SLC22A14: variants seen among roughly 807,000 people sequenced by gnomAD.
The protein encoded by SLC22A14 is solute carrier family 22 member 14.
In SLC22A14, 50 loss-of-function variants were observed where a neutral mutation model predicts 53.9. The observed-to-expected ratio is 0.93, with a 90% CI of 0.74 to 1.17. SLC22A14 has a LOEUF of 1.17. Among genes scored for constraint, SLC22A14 ranks in the 50% most tolerant of loss-of-function variants. The probability of loss-of-function intolerance (pLI) is 0.00; values close to 1 mark genes in which losing one functional copy is unlikely to be tolerated. For missense variants in SLC22A14, 671 were observed against 734.7 expected (o/e 0.91, Z 1.00); for synonymous variants, 312 against 303.0 (o/e 1.03, Z -0.31).
chr3:38,279,524 G>A (rs948883434), upstream of SLC22A14, among the ~76,000 whole-genome samples: 4 of 152,104 alleles, frequency 2.6e-5, no homozygotes, highest in Admixed American at 1.3e-4. Context: ...CTCGTGATCC[G>A]CCCACCTCGG....
chr3:38,309,248 G>A, intron 5 of SLC22A14, 126 bp downstream of exon 5: 1 of 816,764 alleles, frequency 1.2e-6, no homozygotes. Flanking sequence ...CATGTGGATG[G>A]GATGAGATAG....
intron 1 of SLC22A14, among the ~76,000 whole-genome samples, chr3:38,298,466 C>CTATG: frequency 6.6e-6 from 1 of 151,814 alleles, no homozygotes; most frequent in Non-Finnish European, 1.5e-5. Context: ...ATCTATCTAT[C>CTATG]TATCTATCTA....
intron 1 of SLC22A14, among the ~76,000 whole-genome samples, chr3:38,302,301 C>CATATATATTTATATACATATATATTTAT (rs1704181674): frequency 7.7e-6 from 1 of 129,396 alleles, no homozygotes; most frequent in Non-Finnish European, 1.6e-5. Context: ...TATATATACA[C>CATATATATTTATATACATATATATTTAT]ATATATATTT....
At chr3:38,315,202 G>A (rs1452660794) in intron 8 of SLC22A14, among the ~76,000 whole-genome samples, 1 of 152,280 alleles carries the variant, frequency 6.6e-6, no homozygotes. Flanking sequence ...CCAACCCACA[G>A]GACACAGGCC....
chr3:38,311,020 C>A (rs1361708655), intron 5 of SLC22A14, among the ~76,000 whole-genome samples: 1 of 152,202 alleles, frequency 6.6e-6, no homozygotes, highest in East Asian at 1.9e-4. Context: ...TCTGAATTAG[C>A]AAGTTCCAGC....
chr3:38,318,305 C>A lies in SLC22A14; in HGVS notation c.*56C>A. On this transcript the variant is annotated 3_prime_UTR_variant, in exon 11 of 11. Coordinates refer to ENST00000448498, the MANE Select transcript of SLC22A14 (RefSeq NM_001320033.2). The stretch of plus-strand genomic sequence containing the variant: ...CCAGATCCTGAGATTGGACCCATAC[C>A]CTGTCTCCAACCCTGCCTTGAAGCA... The A allele has an allele frequency of 6.7e-7, 1 of 1,492,142 alleles. No homozygotes were observed. The highest frequency in any genetic ancestry group is 1.1e-5 in the South Asian group (1 of 88,668). 92.4% of individuals were successfully genotyped at this position (1,492,142 alleles called of 1,614,324 possible).
intron 1 of SLC22A14, among the ~76,000 whole-genome samples, chr3:38,289,843 C>T (rs1357672094): frequency 6.6e-6 from 1 of 152,130 alleles, no homozygotes; most frequent in Non-Finnish European, 1.5e-5. Flanking sequence ...AAATATGGAC[C>T]AGAAGAGTGT....
chr3:38,292,021 A>G (rs977633635), intron 1 of SLC22A14, among the ~76,000 whole-genome samples: 2 of 152,256 alleles, frequency 1.3e-5, no homozygotes, highest in African/African-American at 4.8e-5. Flanking sequence ...TTTAGCCTTA[A>G]GTATTTAACC....
chr3:38,308,699 C>T (rs1471228780), intron 4 of SLC22A14, among the ~76,000 whole-genome samples: 1 of 152,206 alleles, frequency 6.6e-6, no homozygotes. Context: ...AGGGGATGTG[C>T]AGAGGGAGCA....
rs759537780 is a variant in SLC22A14 at position 38,308,989 on chromosome 3, G to A, written c.811G>A (p.Ala271Thr). 3.5e-5 allele frequency: 57 copies of A among 1,614,044 alleles called. No individual in the cohort carries two copies. Among genetic ancestry groups the A allele is most frequent in the Non-Finnish European group, 4.4e-5 (52 of 1,179,970 alleles). The change falls in exon 5 of 11, where the codon GCC becomes ACC. Residue 271 changes from alanine (A) to threonine (T), a missense_variant. Ala to Thr is a moderately conservative substitution (Grantham distance 58, BLOSUM62 0). Transcript: ENST00000448498. ...EWLVGEHRAH[A>T]IILGHCFFAV... ...GTTAGTGGGTGAGCACCGGGCCCAT[G>A]CCATTATCCTGGGACACTGCTTTTT... is the stretch of plus-strand genomic sequence containing the variant.
intron 2 of SLC22A14, 31 bp downstream of exon 2, chr3:38,306,573 C>T (rs376396884): frequency 7.0e-6 from 11 of 1,577,820 alleles, no homozygotes; most frequent in Non-Finnish European, 9.5e-6. Context: ...TCTGTAACTA[C>T]CCTACAGGCT....
intron 9 of SLC22A14, among the ~76,000 whole-genome samples, chr3:38,316,094 C>T (rs1407368329): frequency 6.6e-6 from 1 of 152,228 alleles, no homozygotes; most frequent in East Asian, 1.9e-4. Flanking sequence ...GCTGGCATCA[C>T]TGCCTGTGTC....
intron 1 of SLC22A14, among the ~76,000 whole-genome samples, chr3:38,296,886 G>T (rs1390997685): frequency 6.6e-6 from 1 of 152,212 alleles, no homozygotes; most frequent in African/African-American, 2.4e-5. Context: ...GAGACACCCT[G>T]CCAGATTCGG....
At chr3:38,285,722 G>T (rs1703777093) in intron 1 of SLC22A14, among the ~76,000 whole-genome samples, 1 of 152,158 alleles carries the variant, frequency 6.6e-6, no homozygotes, top group African/African-American at 2.4e-5. Context: ...TTTTTTCACA[G>T]TTGAAAAGTG....
chr3:38,313,700 G>A (rs200161128), intron 7 of SLC22A14, 27 bp from the exon 8 acceptor site: 333 of 1,545,186 alleles, frequency 2.2e-4, no homozygotes, highest in Admixed American at 8.2e-4. Context: ...GCGTGTGCAC[G>A]CGCACTTGCC....
chr3:38,313,828 C>T lies in SLC22A14; in HGVS notation c.1265C>T (p.Pro422Leu). 6.2e-7 allele frequency: 1 copy of T among 1,614,132 alleles called. No homozygotes were observed. Among genetic ancestry groups the T allele is most frequent in the South Asian group, 1.1e-5 (1 of 91,084 alleles). ...RHVVPSIMEV[P>L]ARLCCIFLLQ... ...GTGGTCCCCAGCATCATGGAGGTGC[C>T]TGCCCGGCTGTGCTGCATCTTTCTC... The change falls in exon 8 of 11, where the codon CCT (proline) becomes CTT (leucine). Residue 422 changes from proline (P) to leucine (L), a missense_variant. Pro to Leu is a moderately conservative substitution (Grantham distance 98). Coordinates refer to ENST00000448498, the MANE Select transcript of SLC22A14 (RefSeq NM_001320033.2).
At chr3:38,308,338 A>G (rs1708158) in intron 4 of SLC22A14, among the ~76,000 whole-genome samples, 52,852 of 151,980 alleles carry the variant, frequency 0.35, 9,467 homozygotes, top group East Asian at 0.55. Flanking sequence ...CTCCTGATGC[A>G]GCTGTCTTCA....
At chr3:38,299,236 C>T (rs535479937) in intron 1 of SLC22A14, among the ~76,000 whole-genome samples, 1 of 152,246 alleles carries the variant, frequency 6.6e-6, no homozygotes, top group South Asian at 2.1e-4. Flanking sequence ...TACTAAGGTT[C>T]TAAAATCAGA....
chr3:38,296,694 G>C (rs1015045343), intron 1 of SLC22A14, among the ~76,000 whole-genome samples: 2 of 152,146 alleles, frequency 1.3e-5, no homozygotes, highest in Admixed American at 1.3e-4. Context: ...GGAACCTTGG[G>C]CCATGCAGTG....
Sources: allele counts gnomAD v4.1 joint callset (sites outside exome capture counted in the v4.1 genomes callset), GRCh38; gene constraint gnomAD v4.1.1; transcripts MANE v1.5; gene names NCBI Gene and HGNC (gene_info 2026-07-23, HGNC 2026-07-21).